The following PCDH7 variants were observed in gnomAD, a reference collection of about 807,000 sequenced individuals.
The protein encoded by PCDH7 is protocadherin-7.
PCDH7 carries 17 observed loss-of-function variants against 58.9 expected under a neutral mutation model. The observed-to-expected ratio is 0.29, with a 90% CI of 0.20 to 0.43. PCDH7 has a LOEUF of 0.43. Ranked by LOEUF, PCDH7 falls within the 20% of genes least tolerant of loss-of-function variation. The pLI is 1.00. For synonymous variants in PCDH7, 664 were observed against 616.4 expected (o/e 1.08, Z -1.14); for missense variants, 1,274 against 1,441.0 (o/e 0.88, Z 1.88).
intron 3 of PCDH7, among the ~76,000 whole-genome samples, chr4:31,073,017 C>A (rs1175584533): frequency 1.3e-5 from 2 of 151,978 alleles, no homozygotes; most frequent in Non-Finnish European, 2.9e-5. Flanking sequence ...TTGAGAGAAT[C>A]AGGAAAAAAT....
intron 3 of PCDH7, among the ~76,000 whole-genome samples, chr4:31,131,636 T>C (rs2109336951): frequency 6.6e-6 from 1 of 152,304 alleles, no homozygotes; most frequent in African/African-American, 2.4e-5. Flanking sequence ...ATTTTGTCTT[T>C]CTCTCAAATC....
At chr4:30,837,067 AGT>A (rs1481366339) in intron 1 of PCDH7, among the ~76,000 whole-genome samples, 5 of 152,148 alleles carry the variant, frequency 3.3e-5, no homozygotes, top group African/African-American at 1.2e-4. Context: ...CGAAGTCTAG[AGT>A]GGTTAAGAGT....
chr4:30,802,942 A>G (rs1418301038), intron 1 of PCDH7, among the ~76,000 whole-genome samples: 1 of 152,142 alleles, frequency 6.6e-6, no homozygotes, highest in East Asian at 1.9e-4. Flanking sequence ...GGTAGGACTG[A>G]TTTGGTAATG....
At chr4:31,141,057 A>C (rs1252972772) in intron 3 of PCDH7, among the ~76,000 whole-genome samples, 4 of 152,242 alleles carry the variant, frequency 2.6e-5, no homozygotes, top group Non-Finnish European at 5.9e-5. Context: ...CATTGAAGGA[A>C]AAAATGACAA....
intron 1 of PCDH7, among the ~76,000 whole-genome samples, chr4:30,906,851 T>C (rs1740999230): frequency 6.6e-6 from 1 of 151,912 alleles, no homozygotes; most frequent in African/African-American, 2.4e-5. Context: ...GGTGAAACCC[T>C]GTACCTACTA....
intron 3 of PCDH7, among the ~76,000 whole-genome samples, chr4:31,027,416 ATATTT>A (rs368335116): frequency 7.9e-5 from 12 of 151,878 alleles, no homozygotes; most frequent in African/African-American, 2.2e-4. Context: ...GTATGTTATT[ATATTT>A]TATTTTATTT....
intron 1 of PCDH7, among the ~76,000 whole-genome samples, chr4:30,906,579 G>A (rs1215545161): frequency 4.6e-5 from 7 of 152,112 alleles, no homozygotes; most frequent in Admixed American, 2.6e-4. Context: ...AGAATAGTGT[G>A]TAAACATTTT....
At chr4:30,906,326 A>G (rs1020415203) in intron 1 of PCDH7, among the ~76,000 whole-genome samples, 4 of 152,202 alleles carry the variant, frequency 2.6e-5, no homozygotes, top group African/African-American at 9.6e-5. Context: ...CCCTCATTTT[A>G]AAGTTGAAGG....
intron 3 of PCDH7, among the ~76,000 whole-genome samples, chr4:31,065,296 C>T (rs534532463): frequency 6.6e-6 from 1 of 152,052 alleles, no homozygotes; most frequent in Non-Finnish European, 1.5e-5. Flanking sequence ...AGCAATTCTT[C>T]GGTGAGGTGG....
At chr4:30,752,050 A>G (rs1718597225) in intron 1 of PCDH7, among the ~76,000 whole-genome samples, 1 of 152,200 alleles carries the variant, frequency 6.6e-6, no homozygotes, top group East Asian at 1.9e-4. Context: ...TCATTGAAAA[A>G]GAATATGTCT....
chr4:31,091,922 G>T (rs1713305140), intron 3 of PCDH7, among the ~76,000 whole-genome samples: 1 of 151,838 alleles, frequency 6.6e-6, no homozygotes, highest in Non-Finnish European at 1.5e-5. Context: ...TTTAATAGTT[G>T]AATTGTGAAA....
intron 1 of PCDH7, among the ~76,000 whole-genome samples, chr4:30,904,750 T>A (rs984120838): frequency 2.0e-5 from 3 of 152,168 alleles, no homozygotes; most frequent in African/African-American, 7.2e-5. Flanking sequence ...AAAGTGCAGA[T>A]AAGGAAGTTA....
chr4:31,071,795 A>G (rs566559955), intron 3 of PCDH7, among the ~76,000 whole-genome samples: 5 of 152,198 alleles, frequency 3.3e-5, no homozygotes, highest in Non-Finnish European at 7.4e-5. Context: ...AGACTCAGGA[A>G]TACAGCATTG....
At chr4:30,945,649 T>C (rs926950790) in intron 2 of PCDH7, among the ~76,000 whole-genome samples, 3 of 152,168 alleles carry the variant, frequency 2.0e-5, no homozygotes, top group African/African-American at 7.2e-5. Flanking sequence ...ATGTCCTGAC[T>C]GATAAGCTCA....
intron 2 of PCDH7, among the ~76,000 whole-genome samples, chr4:30,944,623 C>T (rs895494302): frequency 6.6e-6 from 1 of 152,092 alleles, no homozygotes; most frequent in Non-Finnish European, 1.5e-5. Context: ...TGTAAATGTT[C>T]TAGTGAGGAC....
chr4:30,736,213 A>G (rs1217114168), downstream of PCDH7, among the ~76,000 whole-genome samples: 2 of 152,194 alleles, frequency 1.3e-5, no homozygotes, highest in South Asian at 2.1e-4. Flanking sequence ...TGTTGGAAGA[A>G]ACTTGAAAAA....
At chr4:30,936,446 AC>A (rs1481381307) in intron 2 of PCDH7, among the ~76,000 whole-genome samples, 1 of 152,110 alleles carries the variant, frequency 6.6e-6, no homozygotes, top group Non-Finnish European at 1.5e-5. Context: ...TATTTTAAAA[AC>A]TAATTTAAGT....
downstream of PCDH7, among the ~76,000 whole-genome samples, chr4:30,734,702 A>T (rs558597443): frequency 7.2e-4 from 110 of 152,286 alleles, no homozygotes; most frequent in African/African-American, 2.5e-3. Flanking sequence ...TTGCCATCAC[A>T]GTATTTCCAG....
intron 1 of PCDH7, among the ~76,000 whole-genome samples, chr4:30,918,446 T>A (rs569144120): frequency 9.9e-5 from 15 of 151,976 alleles, no homozygotes; most frequent in African/African-American, 3.6e-4. Flanking sequence ...CATTTCTTTA[T>A]TTTTTTTAAA....
Sources: allele counts gnomAD v4.1 joint callset (sites outside exome capture counted in the v4.1 genomes callset), GRCh38; gene constraint gnomAD v4.1.1; transcripts MANE v1.5; gene names NCBI Gene and HGNC (gene_info 2026-07-23, HGNC 2026-07-21).